UBXN2A: variants seen among roughly 807,000 people sequenced by gnomAD.
The protein encoded by UBXN2A is UBX domain-containing protein 2A.
UBXN2A carries 28 observed loss-of-function variants against 28.4 expected under a neutral mutation model. The ratio of observed to expected loss-of-function variants is 0.99; its 90% CI spans 0.73 to 1.35. The LOEUF is 1.35. Among genes scored for constraint, UBXN2A ranks in the 40% most tolerant of loss-of-function variants. UBXN2A has a pLI of 0.00. For missense variants in UBXN2A, 253 were observed against 297.9 expected (o/e 0.85, Z 1.11); for synonymous variants, 97 against 103.6 (o/e 0.94, Z 0.39).
At position 24,003,351 on chromosome 2, in the gene UBXN2A, C is replaced by G. The variant is rs968479520; in HGVS notation, c.*3484C>G. 3.3e-5 allele frequency: 5 copies of G among 152,132 alleles called. No homozygotes were observed. The highest frequency in any genetic ancestry group is 1.2e-4 in the African/African-American group (5 of 41,434). The allele number at this position is 152,132 out of a possible 1,614,324, so 9.4% of individuals were successfully genotyped here. Reference sequence around the variant, plus strand: ...AGTCTGTTCCCTTTTGTCACTGAACCAATCATGACATAAACTTGTGCTTTA... The same window carrying G: ...AGTCTGTTCCCTTTTGTCACTGAACGAATCATGACATAAACTTGTGCTTTA... On this transcript the variant is annotated 3_prime_UTR_variant, in exon 7 of 7. Transcript: ENST00000309033.
At chr2:23,930,369 A>C (rs537923691) in intron 1 of UBXN2A, among the ~76,000 whole-genome samples, 32 of 152,302 alleles carry the variant, frequency 2.1e-4, no homozygotes, top group Non-Finnish European at 3.8e-4. Context: ...ACGTTTAAAA[A>C]TCCTCAAAGA....
intron 2 of UBXN2A, among the ~76,000 whole-genome samples, chr2:23,963,617 G>A (rs1346266347): frequency 1.3e-5 from 2 of 152,142 alleles, no homozygotes; most frequent in Non-Finnish European, 2.9e-5. Context: ...ACACCTGTCA[G>A]GATGGCTGTT....
intron 6 of UBXN2A, among the ~76,000 whole-genome samples, chr2:23,995,945 G>A (rs1708514158): frequency 6.6e-6 from 1 of 151,848 alleles, no homozygotes; most frequent in African/African-American, 2.4e-5. Flanking sequence ...ACCCAATTTG[G>A]AGTGCAGTGG....
chr2:23,938,570 TA>T (rs1318636852), upstream of UBXN2A, among the ~76,000 whole-genome samples: 43 of 147,052 alleles, frequency 2.9e-4, no homozygotes, highest in Non-Finnish European at 5.1e-4. Context: ...TTTTTTTTTT[TA>T]ACAGCAATGG....
chr2:23,999,503 T>A (rs1708660647), intron 6 of UBXN2A, among the ~76,000 whole-genome samples, 169 bp from the exon 7 acceptor site: 1 of 152,124 alleles, frequency 6.6e-6, no homozygotes, highest in Non-Finnish European at 1.5e-5. Flanking sequence ...GAGGATCAGT[T>A]GAGCCCAGGA....
chr2:23,956,699 A>G (rs992174749), intron 1 of UBXN2A, among the ~76,000 whole-genome samples: 2 of 152,180 alleles, frequency 1.3e-5, no homozygotes, highest in Non-Finnish European at 2.9e-5. Flanking sequence ...AAAAGTTTCC[A>G]TGTTCATCTT....
At chr2:23,980,441 C>T (rs558817235) in intron 4 of UBXN2A, among the ~76,000 whole-genome samples, 1 of 152,254 alleles carries the variant, frequency 6.6e-6, no homozygotes, top group South Asian at 2.1e-4. Context: ...CATCCTAACA[C>T]ATTAGCTTCT....
In UBXN2A at chr2:23,958,306, C is replaced by T. The variant is rs542792859; in HGVS notation, c.-9C>T. ...CTTTCTTTGTACTTTTACAGTAAGG[C>T]GAAAGAGAATGAAAGACGTAGATAA... On this transcript the variant is annotated 5_prime_UTR_variant, in exon 2 of 7. Coordinates refer to ENST00000309033, the MANE Select transcript of UBXN2A (RefSeq NM_181713.4). 25 of 1,595,052 alleles carry T rather than the reference C, an allele frequency of 1.6e-5. No homozygotes were observed. Among genetic ancestry groups the T allele is most frequent in the East Asian group, 6.8e-5 (3 of 43,900 alleles).
At chr2:23,944,045 G>A (rs923589071) in intron 1 of UBXN2A, 17 of 578,978 alleles carry the variant, frequency 2.9e-5, no homozygotes, top group South Asian at 9.8e-5. Context: ...TTCCTATGTC[G>A]ATGTCCATCT....
intron 1 of UBXN2A, among the ~76,000 whole-genome samples, chr2:23,930,141 G>T (rs1468071277): frequency 1.1e-4 from 16 of 152,148 alleles, no homozygotes; most frequent in Admixed American, 1.0e-3. Context: ...GCCTGCCTCA[G>T]CCTCCCAAAG....
chr2:23,982,010 C>T (rs996265090), intron 4 of UBXN2A, among the ~76,000 whole-genome samples: 8 of 152,048 alleles, frequency 5.3e-5, no homozygotes, highest in Non-Finnish European at 1.2e-4. Context: ...CTAATACTGA[C>T]GATAGCTGAT....
upstream of UBXN2A, among the ~76,000 whole-genome samples, chr2:23,940,110 CAAAAA>C (rs70941601): frequency 9.6e-6 from 1 of 104,038 alleles, no homozygotes; most frequent in Admixed American, 9.6e-5. Flanking sequence ...GATTTAGTCT[CAAAAA>C]AAAAAAAAAA....
intron 2 of UBXN2A, among the ~76,000 whole-genome samples, chr2:23,962,940 G>A (rs140101741): frequency 1.3e-5 from 2 of 152,080 alleles, no homozygotes; most frequent in Non-Finnish European, 2.9e-5. Context: ...TTACAGTTCC[G>A]CATGGCTGGG....
At chr2:23,958,765 T>A (rs1190932369) in intron 2 of UBXN2A, among the ~76,000 whole-genome samples, 1 of 152,190 alleles carries the variant, frequency 6.6e-6, no homozygotes, top group Admixed American at 6.5e-5. Flanking sequence ...GGTAAATTCT[T>A]TGAGCCTCAA....
intron 1 of UBXN2A, among the ~76,000 whole-genome samples, chr2:23,953,276 TC>T (rs1558284736): frequency 6.6e-6 from 1 of 152,214 alleles, no homozygotes; most frequent in African/African-American, 2.4e-5. Context: ...ATGAAACTTT[TC>T]AAGTGTGTAT....
At chr2:23,939,023 A>G (rs1166488170), upstream of UBXN2A, among the ~76,000 whole-genome samples, 1 of 152,118 alleles carries the variant, frequency 6.6e-6, no homozygotes, top group Non-Finnish European at 1.5e-5. Context: ...GAGATGAGGG[A>G]GGTGGTGGTG....
chr2:23,951,730 G>A (rs1304834787), intron 1 of UBXN2A, among the ~76,000 whole-genome samples: 1 of 151,816 alleles, frequency 6.6e-6, no homozygotes, highest in Non-Finnish European at 1.5e-5. Context: ...CAGAGAGCTG[G>A]GATTACAGGC....
At chr2:23,936,452 G>T (rs78386572), upstream of UBXN2A, among the ~76,000 whole-genome samples, 3,893 of 152,024 alleles carry the variant, frequency 0.026, 170 homozygotes, top group African/African-American at 0.089. Context: ...GCTCAGACCT[G>T]TAATCATAGC....
rs763571695 is a variant in UBXN2A, at chr2:23,949,888, T to A, written c.-14-8413T>A. On this transcript the variant is annotated intron_variant, in intron 1 of 6. Transcript: ENST00000309033. Reference sequence around the variant, plus strand: ...AGACTCTGTCTCAAAAAAAAAAAAATTATTTGTATAAATGTGTGGGGTACA... The same window carrying A: ...AGACTCTGTCTCAAAAAAAAAAAAAATATTTGTATAAATGTGTGGGGTACA... 3.8e-3 allele frequency among the ~76,000 whole-genome samples: 536 copies of A among 139,254 alleles called. 1 individual carries two copies. Among genetic ancestry groups the A allele is most frequent in the Non-Finnish European group, 6.7e-3 (423 of 62,848 alleles). 91.4% of individuals were successfully genotyped at this position (139,254 alleles called of 152,430 possible). A position where few individuals can be genotyped will look rare whatever the true frequency, so the allele number is the denominator to read the frequency against.
Sources: gnomAD v4.1 joint callset for allele counts (sites outside exome capture counted in the v4.1 genomes callset) on GRCh38, gnomAD v4.1.1 for gene constraint, MANE v1.5 for transcripts, NCBI Gene and HGNC (gene_info 2026-07-23, HGNC 2026-07-21) for gene names.